The following RRAGB variants were observed in gnomAD, a reference collection of about 807,000 sequenced individuals.
The protein encoded by RRAGB is ras-related GTP-binding protein B.
Under a neutral mutation model 29.3 loss-of-function variants are expected in RRAGB, and 6 were observed. The ratio of observed to expected loss-of-function variants is 0.21; its 90% confidence interval spans 0.11 to 0.40. RRAGB has a LOEUF of 0.40. Among genes scored for constraint, RRAGB ranks in the 10% least tolerant of loss-of-function variants. The pLI, the probability that RRAGB is intolerant of heterozygous loss-of-function variation, is 1.00. For synonymous variants in RRAGB, 101 were observed against 92.5 expected (o/e 1.09, Z -0.53); for missense variants, 184 against 272.9 (o/e 0.67, Z 2.29).
chrX:55,722,096 T>C, intron 2 of RRAGB, 90 bp from the exon 3 acceptor site: 4 of 500,078 alleles, frequency 8.0e-6, no homozygotes, highest in Non-Finnish European at 1.3e-5. Flanking sequence ...CAGGAAAATA[T>C]CAAATCCAGG....
Position 55,743,187 on chromosome X carries a change from A to G in RRAGB, c.517-7914A>G, listed in dbSNP as rs186769344. Among the ~76,000 whole-genome samples the G allele has an allele frequency of 3.6e-5, 4 of 112,575 alleles. No homozygotes were observed. The Admixed American group carries it at 3.7e-4, about 11-fold the overall frequency. On this transcript the variant is annotated intron_variant, in intron 5 of 9. Coordinates refer to ENST00000374941, the MANE Select transcript of RRAGB (RefSeq NM_006064.5). Reference sequence around the variant, plus strand: ...TGAAGTGAGTTCCTTGATCAGAAGCAATGCTGTGTACAATACTGTGATGGT... The same window carrying G: ...TGAAGTGAGTTCCTTGATCAGAAGCGATGCTGTGTACAATACTGTGATGGT...
chrX:55,755,318 C>T, intron 7 of RRAGB: 2 of 752,664 alleles, frequency 2.7e-6, no homozygotes, highest in Non-Finnish European at 3.1e-6. Context: ...AAAGTATTTT[C>T]AGCTGGTGTG....
chrX:55,734,047 T>G (rs1259796653), intron 5 of RRAGB, among the ~76,000 whole-genome samples: 1 of 108,986 alleles, frequency 9.2e-6, no homozygotes, highest in African/African-American at 3.4e-5. Flanking sequence ...CACTGCAAGC[T>G]CTGCCTCCCA....
chrX:55,744,921 C>T (rs1360174547), intron 5 of RRAGB, among the ~76,000 whole-genome samples: 1 of 111,808 alleles, frequency 8.9e-6, no homozygotes, highest in East Asian at 2.8e-4. Context: ...AGTAACACAG[C>T]CAAATGAAGA....
At chrX:55,726,008 A>G (rs2033460439) in intron 3 of RRAGB, among the ~76,000 whole-genome samples, 1 of 111,351 alleles carries the variant, frequency 9.0e-6, no homozygotes. Flanking sequence ...TATGGAAGAC[A>G]TGAGACTAAA....
At chrX:55,753,197 A>G (rs2034568892) in intron 6 of RRAGB, among the ~76,000 whole-genome samples, 195 bp from the exon 7 acceptor site, 1 of 112,613 alleles carries the variant, frequency 8.9e-6, no homozygotes, top group African/African-American at 3.2e-5. Context: ...AAAAAATTCA[A>G]CTCAAGGGTA....
At chrX:55,752,094 C>CTT (rs67718377) in intron 6 of RRAGB, 4,333 of 203,232 alleles carry the variant, frequency 0.021, 2 homozygotes, top group Non-Finnish European at 0.025. Flanking sequence ...ATAGCCATTG[C>CTT]TTTTTTTTTT....
rs1211138276 is a variant in RRAGB at position 55,751,361 on chromosome X, C to T, written c.612+165C>T. 8.2e-6 allele frequency: 3 copies of T among 366,313 alleles called. No individual in the cohort carries two copies. In the South Asian group the frequency reaches 1.9e-4, roughly 24 times the overall value. 30.2% of individuals were successfully genotyped at this position (366,313 alleles called of 1,213,427 possible). On this transcript the variant is annotated intron_variant, in intron 6 of 9. Coordinates refer to ENST00000374941, the MANE Select transcript of RRAGB (RefSeq NM_006064.5). ...ATTGTTTGAAGAATATCAAACTTAA[C>T]ATTAAGAGACTTGGGTTTTGATCTT...
chrX:55,746,717 A>T (rs2034259505), intron 5 of RRAGB, among the ~76,000 whole-genome samples: 1 of 111,832 alleles, frequency 8.9e-6, no homozygotes, highest in African/African-American at 3.3e-5. Context: ...CTTCTAGAGT[A>T]TACCAAGGCA....
chrX:55,725,560 A>G (rs757635691), intron 3 of RRAGB, among the ~76,000 whole-genome samples: 5 of 111,728 alleles, frequency 4.5e-5, no homozygotes, highest in Non-Finnish European at 9.4e-5. Flanking sequence ...GTGTTTTTCT[A>G]GTTTCTCATT....
At chrX:55,719,453 C>A in intron 2 of RRAGB, 106 bp downstream of exon 2, 2 of 532,249 alleles carry the variant, frequency 3.8e-6, no homozygotes, top group Non-Finnish European at 5.7e-6. Context: ...ATTGCAGGAG[C>A]CTTCTGTGTG....
rs73505411 is a variant in RRAGB at position 55,736,695 on chromosome X, G to A, written c.516+5109G>A. Among the ~76,000 whole-genome samples the A allele has an allele frequency of 2.1e-3, 233 of 111,830 alleles. 1 individual carries two copies. The highest frequency in any genetic ancestry group is 7.2e-3 in the African/African-American group (223 of 30,793). On this transcript the variant is annotated intron_variant, in intron 5 of 9. Transcript: ENST00000374941. ...AGTATGTGACTTTAATGTGTGTAGT[G>A]TATGGTCACCTAGCTTTGGCTCTGG... is the stretch of plus-strand genomic sequence containing the variant.
intron 5 of RRAGB, among the ~76,000 whole-genome samples, chrX:55,736,530 G>A (rs1219835121): frequency 8.9e-6 from 1 of 111,850 alleles, no homozygotes; most frequent in South Asian, 3.8e-4. Context: ...TGATCTTTTT[G>A]GGGGTGTTGT....
chrX:55,753,537 A>T (rs1352629580), intron 7 of RRAGB, 23 bp downstream of exon 7: 3 of 1,173,121 alleles, frequency 2.6e-6, no homozygotes, highest in Non-Finnish European at 3.5e-6. Flanking sequence ...TGCTTTGCAG[A>T]TGTACTTCAC....
In RRAGB at chrX:55,719,368, C is replaced by G. The variant is rs769213337; in HGVS notation, c.126+21C>G. 5.3e-6 allele frequency: 6 copies of G among 1,139,072 alleles called. No individual in the cohort carries two copies. The South Asian group carries it at 1.2e-4, about 24-fold the overall frequency. The allele number at this position is 1,139,072 out of a possible 1,213,427, so 93.9% of individuals were successfully genotyped here. A position where few individuals can be genotyped will look rare whatever the true frequency, so the allele number is the denominator to read the frequency against. The stretch of plus-strand genomic sequence containing the variant: ...AAAAGGTAAGACGTGTTAGATACGT[C>G]AAAACCATGAAGGTAAAGGTAAGAA... On this transcript the variant is annotated intron_variant, in intron 2 of 9. Coordinates refer to ENST00000374941, the MANE Select transcript of RRAGB (RefSeq NM_006064.5).
intron 5 of RRAGB, among the ~76,000 whole-genome samples, chrX:55,749,027 G>A (rs1235873413): frequency 2.1e-5 from 2 of 93,824 alleles, no homozygotes; most frequent in African/African-American, 4.0e-5. Context: ...TCAGCCTCCC[G>A]CCCGGCCAGC....
In RRAGB at chrX:55,718,231, G is replaced by C. The variant is rs1289350545; in HGVS notation, c.-97G>C. The C allele has an allele frequency of 8.1e-6, 5 of 617,934 alleles. No homozygotes were observed. Among genetic ancestry groups the C allele is most frequent in the Non-Finnish European group, 9.8e-6 (4 of 408,659 alleles). The allele number at this position is 617,934 out of a possible 1,213,427, so 50.9% of individuals were successfully genotyped here. A position where few individuals can be genotyped will look rare whatever the true frequency, so the allele number is the denominator to read the frequency against. On this transcript the variant is annotated 5_prime_UTR_variant, in exon 1 of 10. Coordinates refer to ENST00000374941, the MANE Select transcript of RRAGB (RefSeq NM_006064.5). ...CTGAGGGCCATAGGCGATGAGAATAGGCAGTTGAGGGGTGAAAAAGAAAAC... is the reference window on the plus strand; with the variant it reads ...CTGAGGGCCATAGGCGATGAGAATACGCAGTTGAGGGGTGAAAAAGAAAAC...
intron 5 of RRAGB, among the ~76,000 whole-genome samples, chrX:55,750,843 A>G (rs902162076): frequency 8.9e-6 from 1 of 111,929 alleles, no homozygotes; most frequent in Non-Finnish European, 1.9e-5. Flanking sequence ...CCTCTGTATG[A>G]TAAGCTTTAT....
At chrX:55,740,671 G>C (rs1349138373) in intron 5 of RRAGB, among the ~76,000 whole-genome samples, 1 of 111,727 alleles carries the variant, frequency 9.0e-6, no homozygotes, top group Non-Finnish European at 1.9e-5. Flanking sequence ...TGTGCAATGT[G>C]CGGTCGGGTG....
Sources: gnomAD v4.1 joint callset for allele counts (sites outside exome capture counted in the v4.1 genomes callset) on GRCh38, gnomAD v4.1.1 for gene constraint, MANE v1.5 for transcripts, NCBI Gene and HGNC (gene_info 2026-07-23, HGNC 2026-07-21) for gene names.